TMEM182: variants seen among roughly 807,000 people sequenced by gnomAD.
The protein encoded by TMEM182 is transmembrane protein 182.
TMEM182 carries 20 observed loss-of-function variants against 26.8 expected under a neutral mutation model. The ratio of observed to expected loss-of-function variants is 0.75; its 90% CI spans 0.53 to 1.09. The LOEUF is 1.09. TMEM182 is among the 50% of genes least tolerant of loss of function. The probability of loss-of-function intolerance (pLI) is 0.00; values close to 1 mark genes in which losing one functional copy is unlikely to be tolerated. For synonymous variants in TMEM182, 109 were observed against 102.2 expected (o/e 1.07, Z -0.40); for missense variants, 277 against 275.5 (o/e 1.01, Z -0.04).
chr2:102,778,723 G>A (rs1161446319), intron 3 of TMEM182, among the ~76,000 whole-genome samples: 3 of 152,016 alleles, frequency 2.0e-5, no homozygotes, highest in Admixed American at 2.0e-4. Flanking sequence ...GTCTATCGAT[G>A]TTGACATTTA....
At chr2:102,772,016 T>A (rs1680695790) in intron 3 of TMEM182, among the ~76,000 whole-genome samples, 2 of 152,304 alleles carry the variant, frequency 1.3e-5, no homozygotes, top group South Asian at 4.1e-4. Flanking sequence ...AGGCCCAGGA[T>A]CTTCTTTGAA....
chr2:102,807,825 G>C (rs759827409), intron 4 of TMEM182, among the ~76,000 whole-genome samples: 2 of 152,120 alleles, frequency 1.3e-5, no homozygotes, highest in Non-Finnish European at 2.9e-5. Flanking sequence ...AAGGTTCCTC[G>C]TTGTTAAAAT....
At chr2:102,770,854 C>G (rs1005269166) in intron 3 of TMEM182, among the ~76,000 whole-genome samples, 1 of 152,190 alleles carries the variant, frequency 6.6e-6, no homozygotes. Context: ...AAACTACAAA[C>G]ATGAATGTCC....
intron 3 of TMEM182, among the ~76,000 whole-genome samples, chr2:102,793,648 A>G (rs1049676189): frequency 2.0e-5 from 3 of 152,170 alleles, no homozygotes; most frequent in Non-Finnish European, 4.4e-5. Context: ...TCTCTAAATT[A>G]CTTCTAATAT....
At chr2:102,790,137 T>TTA (rs1199513423) in intron 3 of TMEM182, among the ~76,000 whole-genome samples, 1 of 152,204 alleles carries the variant, frequency 6.6e-6, no homozygotes, top group African/African-American at 2.4e-5. Context: ...AGGGCAAGGA[T>TTA]TATGTCTTAC....
intron 1 of TMEM182, among the ~76,000 whole-genome samples, chr2:102,756,136 T>A (rs1288496173): frequency 6.6e-6 from 1 of 152,224 alleles, no homozygotes; most frequent in Non-Finnish European, 1.5e-5. Flanking sequence ...TGTATTGGTG[T>A]GGGAGCAATG....
At chr2:102,832,678 T>C (rs902781069) in intron 3 of TMEM182, among the ~76,000 whole-genome samples, 1 of 152,196 alleles carries the variant, frequency 6.6e-6, no homozygotes, top group African/African-American at 2.4e-5. Flanking sequence ...GGCTGTCACA[T>C]TGAGCAGAAA....
At chr2:102,753,176 A>T (rs1573491118) in intron 1 of TMEM182, among the ~76,000 whole-genome samples, 1 of 141,186 alleles carries the variant, frequency 7.1e-6, no homozygotes, top group Non-Finnish European at 1.5e-5. Context: ...CAGGATTTTA[A>T]CAAATGAGTT....
At chr2:102,761,297 A>T (rs1680204366), upstream of TMEM182, among the ~76,000 whole-genome samples, 1 of 152,172 alleles carries the variant, frequency 6.6e-6, no homozygotes, top group Admixed American at 6.5e-5. Flanking sequence ...TGAGGAAGTG[A>T]GATATTTTAA....
intron 1 of TMEM182, among the ~76,000 whole-genome samples, chr2:102,741,508 G>A (rs2540314): frequency 0.47 from 72,077 of 151,932 alleles, 17,798 homozygotes; most frequent in African/African-American, 0.61. Context: ...TGAACCATGT[G>A]AGGGAAACTA....
chr2:102,825,621 C>T (rs1210025813), intron 3 of TMEM182, among the ~76,000 whole-genome samples: 1 of 152,146 alleles, frequency 6.6e-6, no homozygotes, highest in African/African-American at 2.4e-5. Context: ...AGTGACTATC[C>T]ACCCAACATT....
intron 4 of TMEM182, among the ~76,000 whole-genome samples, chr2:102,804,404 A>G (rs1682270696): frequency 6.6e-6 from 1 of 152,180 alleles, no homozygotes; most frequent in South Asian, 2.1e-4. Flanking sequence ...GTGAAAACGT[A>G]CAATGTTTGG....
At chr2:102,740,827 G>A (rs1679520685) in intron 1 of TMEM182, among the ~76,000 whole-genome samples, 1 of 152,108 alleles carries the variant, frequency 6.6e-6, no homozygotes, top group South Asian at 2.1e-4. Flanking sequence ...TTCATCGACA[G>A]GTGAATGGAT....
At chr2:102,761,970 A>G, upstream of TMEM182, 1 of 375,888 alleles carries the variant, frequency 2.7e-6, no homozygotes, top group Middle Eastern at 8.2e-4. Context: ...ACTATCTTAA[A>G]ATAGCCAGCA....
In TMEM182 at chr2:102,815,399, T is replaced by C; in HGVS notation, c.*431T>C. ...CAAGGTTGTCAGAGAATTTATTTTG[T>C]TTCTTGCCCACACAGATAATATCCA... On this transcript the variant is annotated 3_prime_UTR_variant, in exon 5 of 5. Coordinates refer to ENST00000412401, the MANE Select transcript of TMEM182 (RefSeq NM_144632.5). 1 of 999,762 alleles carries C rather than the reference T, an allele frequency of 1.0e-6. No individual in the cohort carries two copies. Among genetic ancestry groups the C allele is most frequent in the Non-Finnish European group, 1.2e-6 (1 of 839,398 alleles). The allele number at this position is 999,762 out of a possible 1,614,324, so 61.9% of individuals were successfully genotyped here. A position where few individuals can be genotyped will look rare whatever the true frequency, so the allele number is the denominator to read the frequency against.
At chr2:102,840,583 G>A (rs889418908) in intron 3 of TMEM182, among the ~76,000 whole-genome samples, 3 of 152,064 alleles carry the variant, frequency 2.0e-5, no homozygotes, top group Non-Finnish European at 4.4e-5. Flanking sequence ...TATAGAGGAC[G>A]CAATAAAGAG....
Position 102,762,269 on chromosome 2 carries a change from G to T in TMEM182, c.52G>T (p.Val18Leu). 1 of 1,613,890 alleles carries T rather than the reference G, an allele frequency of 6.2e-7. No individual in the cohort carries two copies. The highest frequency in any genetic ancestry group is 1.1e-5 in the South Asian group (1 of 91,084). The change falls in exon 1 of 5, where the codon GTG becomes TTG. Residue 18 changes from valine to leucine, a missense_variant. Physicochemically the swap from Val to Leu is conservative, Grantham distance 32. Transcript: ENST00000412401. ...TGGAGCTCTCTTTGGTGCTTTGGGG[G>T]TGTTACTCTTTTTGGTGGCTTTTGG... ...FFGALFGALG[V>L]LLFLVAFGSD...
chr2:102,738,181 G>A (rs1343328202), intron 1 of TMEM182, among the ~76,000 whole-genome samples: 1 of 152,180 alleles, frequency 6.6e-6, no homozygotes, highest in East Asian at 1.9e-4. Context: ...GGCTGCTCAT[G>A]TTAACCCATT....
chr2:102,801,664 G>A (rs1220220388), intron 4 of TMEM182, among the ~76,000 whole-genome samples: 1 of 152,140 alleles, frequency 6.6e-6, no homozygotes, highest in Non-Finnish European at 1.5e-5. Context: ...GAAGTTACTA[G>A]TTACAGAGAA....
Sources: allele counts gnomAD v4.1 joint callset (sites outside exome capture counted in the v4.1 genomes callset), GRCh38; gene constraint gnomAD v4.1.1; transcripts MANE v1.5; gene names NCBI Gene and HGNC (gene_info 2026-07-23, HGNC 2026-07-21).